BNIP1: variants seen among roughly 807,000 people sequenced by gnomAD.
BNIP1 encodes the protein vesicle transport protein SEC20.
In BNIP1, 25 loss-of-function variants were observed where a neutral mutation model predicts 28.5. That is an observed-to-expected ratio of 0.88 (90% CI 0.64 to 1.23). The LOEUF (loss-of-function observed/expected upper bound fraction) is 1.23. Ranked by LOEUF, BNIP1 falls within the 50% of genes most tolerant of loss-of-function variation. BNIP1 has a pLI of 0.00. For synonymous variants in BNIP1, 118 were observed against 101.7 expected (o/e 1.16, Z -0.96); for missense variants, 276 against 277.0 (o/e 1.00, Z 0.02).
At chr5:173,148,279 T>G (rs1408780873) in intron 2 of BNIP1, among the ~76,000 whole-genome samples, 2 of 151,166 alleles carry the variant, frequency 1.3e-5, no homozygotes, top group East Asian at 2.0e-4. Context: ...TCAGACAGAA[T>G]TGGGATTCAG....
At chr5:173,144,737 ACCACAGGCTCCG>A (rs1759781379) in intron 1 of BNIP1, 108 bp downstream of exon 1, 1 of 1,178,470 alleles carries the variant, frequency 8.5e-7, no homozygotes, top group African/African-American at 1.6e-5. Context: ...GGTTTCCCAG[ACCACAGGCTCCG>A]CCCCATGGTC....
intron 2 of BNIP1, 46 bp from the exon 3 acceptor site, chr5:173,154,276 G>T (rs776866084): frequency 6.4e-7 from 1 of 1,566,398 alleles, no homozygotes; most frequent in Non-Finnish European, 8.8e-7. Flanking sequence ...CTGCTTTCAT[G>T]TTGACTTTTG....
At chr5:173,151,084 C>T (rs5745128) in intron 2 of BNIP1, among the ~76,000 whole-genome samples, 5,169 of 152,270 alleles carry the variant, frequency 0.034, 122 homozygotes, top group East Asian at 0.088. Flanking sequence ...ATCAGCCTGC[C>T]TCAGCCTCCC....
At chr5:173,153,107 G>A (rs1471265365) in intron 2 of BNIP1, among the ~76,000 whole-genome samples, 1 of 151,800 alleles carries the variant, frequency 6.6e-6, no homozygotes. Context: ...ATTTTGGACT[G>A]TGAGCGCTCA....
intron 3 of BNIP1, 74 bp from the exon 4 acceptor site, chr5:173,158,670 G>A (rs1032447286): frequency 1.3e-5 from 16 of 1,209,010 alleles, no homozygotes; most frequent in Non-Finnish European, 1.8e-5. Flanking sequence ...TTTGTTGGGG[G>A]GAAGTGCTGT....
At chr5:173,154,285 T>C (rs1258720509) in intron 2 of BNIP1, 37 bp from the exon 3 acceptor site, 5 of 1,584,596 alleles carry the variant, frequency 3.2e-6, no homozygotes, top group Non-Finnish European at 4.3e-6. Context: ...TGTTGACTTT[T>C]GAAATCATTT....
chr5:173,158,683 A>G, intron 3 of BNIP1, 61 bp from the exon 4 acceptor site: 2 of 1,395,422 alleles, frequency 1.4e-6, no homozygotes, highest in Non-Finnish European at 2.0e-6. Context: ...AGTGCTGTGA[A>G]TTGAACTGAC....
intron 3 of BNIP1, among the ~76,000 whole-genome samples, chr5:173,155,717 T>C (rs255294): frequency 0.28 from 43,265 of 151,930 alleles, 7,157 homozygotes; most frequent in Non-Finnish European, 0.38. Context: ...AATATTTTTA[T>C]TTTTAAAAAA....
chr5:173,151,910 T>G lies in BNIP1; in HGVS notation c.178-2412T>G, dbSNP rs5745129. Among the ~76,000 whole-genome samples, 33 of 152,324 alleles carry G rather than the reference T, an allele frequency of 2.2e-4. No homozygotes were observed. The South Asian group carries it at 3.3e-3, about 15-fold the overall frequency. On this transcript the variant is annotated intron_variant, in intron 2 of 5. Coordinates refer to ENST00000351486, the MANE Select transcript of BNIP1 (RefSeq NM_001205.3). ...TACATACTCTTTTTGTATCTGGAAA[T>G]AAATACAAGATTCCTGTTTGTTTGC...
intron 3 of BNIP1, 146 bp downstream of exon 3, chr5:173,154,559 A>T: frequency 7.9e-6 from 5 of 631,542 alleles, no homozygotes; most frequent in Non-Finnish European, 1.3e-5. Flanking sequence ...GTCTCGCTCT[A>T]TTGCCCAGGC....
At chr5:173,150,561 A>T (rs1420614160) in intron 2 of BNIP1, among the ~76,000 whole-genome samples, 1 of 152,084 alleles carries the variant, frequency 6.6e-6, no homozygotes, top group African/African-American at 2.4e-5. Flanking sequence ...TAATCATCTT[A>T]ATTTTTTATT....
At position 173,154,536 on chromosome 5, in the gene BNIP1, T is replaced by C; in HGVS notation, c.269+123T>C. ...GACTTAATGGTGTCTTTTTTTTTTT[T>C]TTGAGAGACGGTGTCTCGCTCTATT... On this transcript the variant is annotated intron_variant, in intron 3 of 5. Transcript: ENST00000351486. 4.0e-6 allele frequency: 3 copies of C among 749,568 alleles called. No individual in the cohort carries two copies. In the East Asian group the frequency reaches 8.7e-5, roughly 22 times the overall value. The allele number at this position is 749,568 out of a possible 1,614,324, so 46.4% of individuals were successfully genotyped here.
At chr5:173,147,844 A>C (rs1759884560) in intron 2 of BNIP1, among the ~76,000 whole-genome samples, 1 of 151,540 alleles carries the variant, frequency 6.6e-6, no homozygotes. Flanking sequence ...TTTAAAAATG[A>C]AAATGAGGCC....
chr5:173,160,939 C>T (rs1408853355), intron 5 of BNIP1: 2 of 449,888 alleles, frequency 4.4e-6, no homozygotes, highest in East Asian at 7.0e-5. Context: ...TATCAGCCCT[C>T]TCCAGGGTCC....
At chr5:173,161,474 C>G (rs575466704) in intron 5 of BNIP1, 1 of 152,200 alleles carries the variant, frequency 6.6e-6, no homozygotes, top group Non-Finnish European at 1.5e-5. Flanking sequence ...TCTGGTGTGG[C>G]GACAGCATAC....
intron 4 of BNIP1, 86 bp from the exon 5 acceptor site, chr5:173,159,847 A>T: frequency 2.7e-6 from 3 of 1,124,408 alleles, no homozygotes; most frequent in Non-Finnish European, 4.0e-6. Context: ...GATAGGTAAA[A>T]CATGAGATCT....
At chr5:173,144,781 T>A (rs1024947465) in intron 1 of BNIP1, 152 bp downstream of exon 1, 15 of 787,234 alleles carry the variant, frequency 1.9e-5, no homozygotes, top group Non-Finnish European at 2.8e-5. Context: ...CGGTCCCCAT[T>A]TGGTTGTGTC....
intron 2 of BNIP1, 54 bp downstream of exon 2, chr5:173,147,012 T>A: frequency 1.4e-6 from 2 of 1,413,160 alleles, no homozygotes; most frequent in South Asian, 1.2e-5. Context: ...GTATATCCTC[T>A]GCTTGAGAGC....
intron 5 of BNIP1, among the ~76,000 whole-genome samples, chr5:173,162,511 C>T (rs1345219878): frequency 6.6e-6 from 1 of 152,126 alleles, no homozygotes; most frequent in African/African-American, 2.4e-5. Context: ...TGCCTGTAGT[C>T]CCAGCTACTG....
Sources: allele counts gnomAD v4.1 joint callset (sites outside exome capture counted in the v4.1 genomes callset), GRCh38; gene constraint gnomAD v4.1.1; transcripts MANE v1.5; gene names NCBI Gene and HGNC (gene_info 2026-07-23, HGNC 2026-07-21).